The following STK3 variants were observed in gnomAD, a reference collection of about 807,000 sequenced individuals.
STK3 encodes the protein serine/threonine kinase 3, also known as serine/threonine-protein kinase 3.
Under a neutral mutation model 58.0 loss-of-function variants are expected in STK3, and 41 were observed. The ratio of observed to expected loss-of-function variants is 0.71; its 90% CI spans 0.55 to 0.92. STK3 has a LOEUF of 0.92. Ranked by LOEUF, STK3 falls within the 40% of genes least tolerant of loss-of-function variation. The pLI, the probability that STK3 is intolerant of heterozygous loss-of-function variation, is 0.00. For synonymous variants in STK3, 170 were observed against 191.0 expected (o/e 0.89, Z 0.91); for missense variants, 479 against 602.7 (o/e 0.79, Z 2.15).
intron 1 of STK3, among the ~76,000 whole-genome samples, chr8:98,803,339 C>T (rs1833691925): frequency 6.6e-6 from 1 of 151,994 alleles, no homozygotes; most frequent in Admixed American, 6.6e-5. Context: ...CGCCTGTAAT[C>T]CCAGCACTTT....
intron 1 of STK3, among the ~76,000 whole-genome samples, chr8:98,926,188 G>A (rs774983590): frequency 2.0e-5 from 3 of 152,144 alleles, no homozygotes; most frequent in Admixed American, 6.5e-5. Context: ...CCATTAGAAC[G>A]CTGATAAGGG....
intron 6 of STK3, among the ~76,000 whole-genome samples, chr8:98,601,970 T>C (rs897186660): frequency 1.3e-5 from 2 of 152,210 alleles, no homozygotes; most frequent in Admixed American, 6.5e-5. Flanking sequence ...TTAACTGATC[T>C]GGGGTGACGA....
At chr8:98,893,889 T>C (rs1326958915) in intron 1 of STK3, among the ~76,000 whole-genome samples, 1 of 152,236 alleles carries the variant, frequency 6.6e-6, no homozygotes, top group East Asian at 1.9e-4. Context: ...TATGAATAAT[T>C]TTTTGCTTAT....
At chr8:98,346,962 T>A in the STK3 span, among the ~76,000 whole-genome samples, 22 of 151,692 alleles carry the variant, frequency 1.5e-4, no homozygotes, top group Non-Finnish European at 2.8e-4. Flanking sequence ...TAAGCAAAAA[T>A]AATAATAATG....
At chr8:98,368,105 C>T (rs1817581160), downstream of STK3, among the ~76,000 whole-genome samples, 1 of 152,184 alleles carries the variant, frequency 6.6e-6, no homozygotes, top group Admixed American at 6.5e-5. Flanking sequence ...AGCACACTCT[C>T]TCCCTTGTTT....
At position 98,705,200 on chromosome 8, in the gene STK3, C is replaced by T. The variant is rs574637612; in HGVS notation, c.684+1267G>A. ...CTTTGGGAAGCTGAGGTGGGCGGAT[C>T]GCTTGAGCCCAGAAGTTGGAGACCA... On this transcript the variant is annotated intron_variant, in intron 6 of 10. Coordinates refer to ENST00000419617, the MANE Select transcript of STK3 (RefSeq NM_006281.4). Among the ~76,000 whole-genome samples, 31 of 152,222 alleles carry T rather than the reference C, an allele frequency of 2.0e-4. No individual in the cohort carries two copies. In the South Asian group the frequency reaches 5.8e-3, roughly 29 times the overall value.
intron 1 of STK3, chr8:98,779,021 AAAGTAT>A (rs1831914850): frequency 6.6e-6 from 1 of 151,888 alleles, no homozygotes; most frequent in Non-Finnish European, 1.5e-5. Flanking sequence ...CCTAAAACTT[AAAGTAT>A]AATAATAATA....
At chr8:98,587,693 TG>T (rs1258983842) in intron 7 of STK3, among the ~76,000 whole-genome samples, 4 of 152,102 alleles carry the variant, frequency 2.6e-5, no homozygotes, top group Admixed American at 2.6e-4. Flanking sequence ...ATGTTGACAG[TG>T]GGGTGTTAAA....
At chr8:98,757,115 C>T (rs1372363111) in intron 3 of STK3, among the ~76,000 whole-genome samples, 4 of 152,066 alleles carry the variant, frequency 2.6e-5, no homozygotes, top group Non-Finnish European at 4.4e-5. Context: ...GTATATATAA[C>T]AATATATCTT....
intron 6 of STK3, among the ~76,000 whole-genome samples, chr8:98,695,706 A>C (rs1200563268): frequency 6.6e-6 from 1 of 151,976 alleles, no homozygotes; most frequent in Non-Finnish European, 1.5e-5. Context: ...ATTGATCTAT[A>C]TCTCTGTTTT....
chr8:98,802,300 C>T (rs1171378188), intron 1 of STK3, among the ~76,000 whole-genome samples: 1 of 152,068 alleles, frequency 6.6e-6, no homozygotes, highest in Non-Finnish European at 1.5e-5. Flanking sequence ...CAAATTCTTC[C>T]TAATTTTTTA....
chr8:98,757,024 C>A (rs566416471), intron 3 of STK3, among the ~76,000 whole-genome samples: 10 of 149,406 alleles, frequency 6.7e-5, no homozygotes, highest in South Asian at 2.1e-4. Flanking sequence ...TTCTTCCCCC[C>A]TCTTTCTCTG....
chr8:98,345,551 A>G, the STK3 span, among the ~76,000 whole-genome samples: 18 of 151,966 alleles, frequency 1.2e-4, 1 homozygote, highest in African/African-American at 4.4e-4. Context: ...AAAAAGAGCC[A>G]CCTAAAGGCT....
chr8:98,636,088 A>T (rs1278218566), intron 6 of STK3, among the ~76,000 whole-genome samples: 1 of 152,134 alleles, frequency 6.6e-6, no homozygotes, highest in African/African-American at 2.4e-5. Flanking sequence ...AAACAGAACA[A>T]TGATAATAAT....
intron 3 of STK3, among the ~76,000 whole-genome samples, chr8:98,858,498 T>C (rs979881304): frequency 2.7e-5 from 4 of 150,628 alleles, no homozygotes; most frequent in Admixed American, 2.0e-4. Context: ...CTCTTGTACC[T>C]GTATCTTATG....
intron 1 of STK3, among the ~76,000 whole-genome samples, chr8:98,886,043 G>A (rs1837976221): frequency 6.6e-6 from 1 of 152,206 alleles, no homozygotes; most frequent in African/African-American, 2.4e-5. Context: ...GATTTCCAGA[G>A]GTTGGGAGTG....
intron 1 of STK3, among the ~76,000 whole-genome samples, chr8:98,927,571 T>C (rs531465395): frequency 2.0e-5 from 3 of 152,238 alleles, no homozygotes; most frequent in Non-Finnish European, 4.4e-5. Context: ...TATCATATAA[T>C]TTGATAAGGT....
At chr8:98,899,317 T>C (rs1201115240) in intron 1 of STK3, among the ~76,000 whole-genome samples, 1 of 152,142 alleles carries the variant, frequency 6.6e-6, no homozygotes, top group Non-Finnish European at 1.5e-5. Flanking sequence ...TTAATATTAA[T>C]AGTAGTTACC....
intron 1 of STK3, among the ~76,000 whole-genome samples, chr8:98,892,449 A>C (rs1838233019): frequency 6.6e-6 from 1 of 152,184 alleles, no homozygotes; most frequent in African/African-American, 2.4e-5. Flanking sequence ...AGGCCCTCAG[A>C]ATGAAGTCCA....
Sources: allele counts gnomAD v4.1 joint callset (sites outside exome capture counted in the v4.1 genomes callset), GRCh38; gene constraint gnomAD v4.1.1; transcripts MANE v1.5; gene names NCBI Gene and HGNC (gene_info 2026-07-23, HGNC 2026-07-21).